RAB38: variants seen among roughly 807,000 people sequenced by gnomAD.
RAB38 encodes ras-related protein Rab-38.
Under a neutral mutation model 18.4 loss-of-function variants are expected in RAB38, and 15 were observed. That is an observed-to-expected ratio of 0.82 (90% confidence interval 0.55 to 1.26). The LOEUF (loss-of-function observed/expected upper bound fraction) is 1.26. Ranked by LOEUF, RAB38 falls within the 50% of genes most tolerant of loss-of-function variation. RAB38 has a pLI of 0.00. For synonymous variants in RAB38, 101 were observed against 104.4 expected (o/e 0.97, Z 0.20); for missense variants, 294 against 267.4 (o/e 1.10, Z -0.69).
the RAB38 span, among the ~76,000 whole-genome samples, chr11:87,852,885 C>A: frequency 6.6e-6 from 1 of 152,056 alleles, no homozygotes; most frequent in Non-Finnish European, 1.5e-5. Context: ...TGAAAATAAG[C>A]CTTTTCTTTT....
the RAB38 span, among the ~76,000 whole-genome samples, chr11:88,105,311 T>C: frequency 3.0e-4 from 45 of 152,236 alleles, 1 homozygote; most frequent in Middle Eastern, 0.031. Flanking sequence ...TAGCATCTTT[T>C]CCTCCATCGG....
chr11:87,976,809 TA>T, the RAB38 span, among the ~76,000 whole-genome samples: 15 of 80,642 alleles, frequency 1.9e-4, 1 homozygote, highest in East Asian at 3.5e-4. Context: ...TATAATATAT[TA>T]TATATTATAC....
At chr11:88,149,139 C>T (rs1230970172) in intron 2 of RAB38, among the ~76,000 whole-genome samples, 2 of 152,182 alleles carry the variant, frequency 1.3e-5, no homozygotes, top group South Asian at 2.1e-4. Context: ...ACAGCATGGC[C>T]AAGCTATGCT....
At chr11:87,952,670 C>T in the RAB38 span, among the ~76,000 whole-genome samples, 1 of 152,156 alleles carries the variant, frequency 6.6e-6, no homozygotes, top group African/African-American at 2.4e-5. Context: ...TGGTTTCGGA[C>T]ATGGTCACTA....
the RAB38 span, among the ~76,000 whole-genome samples, chr11:87,971,174 T>A: frequency 1.3e-5 from 2 of 152,046 alleles, no homozygotes; most frequent in East Asian, 3.9e-4. Flanking sequence ...TTCAAGCTAT[T>A]GAAAAGCAAT....
the RAB38 span, among the ~76,000 whole-genome samples, chr11:88,009,108 C>A: frequency 1.3e-5 from 2 of 152,052 alleles, no homozygotes; most frequent in South Asian, 2.1e-4. Flanking sequence ...ATATGTACAA[C>A]CTTCCAGAGA....
chr11:88,120,467 G>T (rs1472593359), intron 2 of RAB38, among the ~76,000 whole-genome samples: 1 of 152,190 alleles, frequency 6.6e-6, no homozygotes, highest in Non-Finnish European at 1.5e-5. Context: ...CATGGTGAAT[G>T]TGACGCAGAG....
the RAB38 span, among the ~76,000 whole-genome samples, chr11:88,040,557 T>C: frequency 6.6e-6 from 1 of 152,016 alleles, no homozygotes; most frequent in Admixed American, 6.6e-5. Flanking sequence ...AATAAAAAAT[T>C]AGCTGGGTAT....
chr11:88,146,176 T>C (rs781153633), intron 2 of RAB38, among the ~76,000 whole-genome samples: 29 of 152,278 alleles, frequency 1.9e-4, no homozygotes, highest in Admixed American at 3.3e-4. Flanking sequence ...CTCCATAGGA[T>C]TGAAGAGCAA....
chr11:87,943,716 A>G, the RAB38 span, among the ~76,000 whole-genome samples: 1 of 152,156 alleles, frequency 6.6e-6, no homozygotes, highest in African/African-American at 2.4e-5. Flanking sequence ...GATGGAGCAG[A>G]TATTTTTAAT....
At chr11:87,856,228 T>G in the RAB38 span, among the ~76,000 whole-genome samples, 7 of 152,160 alleles carry the variant, frequency 4.6e-5, no homozygotes, top group Admixed American at 2.6e-4. Context: ...TGTAATTGAG[T>G]GGAAGCAGTG....
the RAB38 span, among the ~76,000 whole-genome samples, chr11:88,054,301 T>A: frequency 6.6e-6 from 1 of 152,206 alleles, no homozygotes; most frequent in Admixed American, 6.5e-5. Context: ...TCTCCTTGAC[T>A]TGACAACATT....
the RAB38 span, among the ~76,000 whole-genome samples, chr11:87,975,334 C>T: frequency 7.0e-4 from 107 of 152,044 alleles, 1 homozygote; most frequent in African/African-American, 2.6e-3. Flanking sequence ...CAGAATTCTA[C>T]ATTCAGCCAA....
the RAB38 span, among the ~76,000 whole-genome samples, chr11:88,103,092 T>A: frequency 6.6e-6 from 1 of 152,102 alleles, no homozygotes; most frequent in African/African-American, 2.4e-5. Flanking sequence ...ATTACTGATT[T>A]AGGAAATTTA....
the RAB38 span, among the ~76,000 whole-genome samples, chr11:87,916,960 C>T: frequency 6.6e-6 from 1 of 152,082 alleles, no homozygotes; most frequent in African/African-American, 2.4e-5. Flanking sequence ...ACTTACAAAT[C>T]CCAGAGAGAA....
At chr11:87,877,996 C>A in the RAB38 span, among the ~76,000 whole-genome samples, 20 of 150,886 alleles carry the variant, frequency 1.3e-4, no homozygotes, top group Non-Finnish European at 2.7e-4. Flanking sequence ...TAACATGAAG[C>A]AAATAAGTAT....
the RAB38 span, among the ~76,000 whole-genome samples, chr11:87,938,280 ACTTT>A: frequency 6.6e-6 from 1 of 151,820 alleles, no homozygotes; most frequent in African/African-American, 2.4e-5. Context: ...TAAAATCTTG[ACTTT>A]CTACTAGGTT....
intron 2 of RAB38, among the ~76,000 whole-genome samples, chr11:88,120,392 T>A (rs1942614775): frequency 6.6e-6 from 1 of 152,156 alleles, no homozygotes; most frequent in African/African-American, 2.4e-5. Context: ...CAAGCCAACG[T>A]CTATTTGAAT....
intron 2 of RAB38, among the ~76,000 whole-genome samples, chr11:88,117,859 C>G (rs1411049583): frequency 6.6e-6 from 1 of 152,220 alleles, no homozygotes; most frequent in Non-Finnish European, 1.5e-5. Context: ...GAAAGGCATA[C>G]AGTACACATT....
Sources: allele counts gnomAD v4.1 joint callset (sites outside exome capture counted in the v4.1 genomes callset), GRCh38; gene constraint gnomAD v4.1.1; transcripts MANE v1.5; gene names NCBI Gene and HGNC (gene_info 2026-07-23, HGNC 2026-07-21).